The following ROBO2 variants were observed in gnomAD, a reference collection of about 807,000 sequenced individuals.
The protein encoded by ROBO2 is roundabout homolog 2.
In ROBO2, 53 loss-of-function variants were observed where a neutral mutation model predicts 160.8. That is an observed-to-expected ratio of 0.33 (90% CI 0.26 to 0.41). ROBO2 has a LOEUF of 0.41. Among genes scored for constraint, ROBO2 ranks in the 10% least tolerant of loss-of-function variants. The pLI, the probability that ROBO2 is intolerant of heterozygous loss-of-function variation, is 1.00. For synonymous variants in ROBO2, 664 were observed against 611.7 expected, an observed-to-expected ratio of 1.09 and a Z score of -1.26; for missense variants, 1,577 against 1,722.4, an observed-to-expected ratio of 0.92 and a Z score of 1.49.
chr3:76,743,533 T>A (rs886490826), intron 2 of ROBO2, among the ~76,000 whole-genome samples: 1 of 152,090 alleles, frequency 6.6e-6, no homozygotes, highest in Non-Finnish European at 1.5e-5. Flanking sequence ...ACTATAGACA[T>A]ATTTTTAAAA....
chr3:77,078,077 A>C (rs2068202099), intron 1 of ROBO2, among the ~76,000 whole-genome samples: 1 of 152,200 alleles, frequency 6.6e-6, no homozygotes, highest in African/African-American at 2.4e-5. Flanking sequence ...GCCAATTAAA[A>C]GTAATTTATT....
intron 2 of ROBO2, among the ~76,000 whole-genome samples, chr3:76,163,349 A>G (rs928209109): frequency 1.6e-4 from 25 of 151,824 alleles, no homozygotes; most frequent in Middle Eastern, 3.4e-3. Flanking sequence ...AGATTTTCTA[A>G]TACTGAGAAT....
intron 2 of ROBO2, among the ~76,000 whole-genome samples, chr3:77,178,168 G>A (rs1486725148): frequency 6.6e-6 from 1 of 151,970 alleles, no homozygotes; most frequent in Non-Finnish European, 1.5e-5. Context: ...TGAGGTATGG[G>A]CGCGCTACAA....
At chr3:76,554,240 A>G (rs1175033301) in intron 2 of ROBO2, among the ~76,000 whole-genome samples, 1 of 152,192 alleles carries the variant, frequency 6.6e-6, no homozygotes, top group Non-Finnish European at 1.5e-5. Context: ...AAAGACCATG[A>G]ACAGAACAGC....
chr3:76,942,656 T>C (rs1199887771), intron 2 of ROBO2, among the ~76,000 whole-genome samples: 1 of 151,846 alleles, frequency 6.6e-6, no homozygotes, highest in Non-Finnish European at 1.5e-5. Context: ...AACCTCTCAT[T>C]GTAGCCTAGA....
intron 2 of ROBO2, chr3:77,316,954 G>A (rs1184467701): frequency 2.5e-5 from 34 of 1,353,684 alleles, no homozygotes; most frequent in East Asian, 2.3e-4. Flanking sequence ...TCCGAAGCGC[G>A]TGTTACTGTT....
intron 2 of ROBO2, among the ~76,000 whole-genome samples, chr3:76,460,841 C>A (rs1175536033): frequency 6.6e-6 from 1 of 152,134 alleles, no homozygotes; most frequent in Non-Finnish European, 1.5e-5. Flanking sequence ...ATCTGTGATG[C>A]AGCTGTAGAT....
At chr3:76,731,245 G>C (rs1210302045) in intron 2 of ROBO2, among the ~76,000 whole-genome samples, 1 of 152,102 alleles carries the variant, frequency 6.6e-6, no homozygotes, top group East Asian at 1.9e-4. Flanking sequence ...ATTTTAAATT[G>C]CCTTTATTTT....
chr3:77,286,156 A>C (rs1396020568), intron 2 of ROBO2, among the ~76,000 whole-genome samples: 2 of 152,096 alleles, frequency 1.3e-5, no homozygotes, highest in Non-Finnish European at 2.9e-5. Context: ...CTCTATTTCC[A>C]TAAGTGAATC....
At chr3:77,233,790 T>G (rs985398226) in intron 2 of ROBO2, among the ~76,000 whole-genome samples, 2 of 152,292 alleles carry the variant, frequency 1.3e-5, no homozygotes, top group East Asian at 3.9e-4. Context: ...TTACCTTATA[T>G]CTGGTTTTCG....
At chr3:77,380,535 C>T (rs1025942086) in intron 2 of ROBO2, among the ~76,000 whole-genome samples, 7 of 152,160 alleles carry the variant, frequency 4.6e-5, no homozygotes, top group African/African-American at 7.2e-5. Context: ...AATTAAAAGA[C>T]GGGATTTTTT....
At chr3:77,151,972 C>G (rs1375710979) in intron 2 of ROBO2, among the ~76,000 whole-genome samples, 1 of 152,136 alleles carries the variant, frequency 6.6e-6, no homozygotes, top group Admixed American at 6.5e-5. Context: ...ACACTTTCTA[C>G]TACTGTAACT....
intron 2 of ROBO2, among the ~76,000 whole-genome samples, chr3:77,267,889 A>G (rs2059240453): frequency 6.6e-6 from 1 of 152,124 alleles, no homozygotes; most frequent in Non-Finnish European, 1.5e-5. Context: ...TCCCCCAATA[A>G]ATCTCCAACT....
intron 2 of ROBO2, among the ~76,000 whole-genome samples, chr3:77,464,530 C>T (rs1476633372): frequency 6.6e-6 from 1 of 152,132 alleles, no homozygotes; most frequent in Admixed American, 6.6e-5. Flanking sequence ...AGAGGCTAGA[C>T]TACTTAGAGT....
chr3:76,834,062 T>TCTTCTTTC (rs1553651248), intron 2 of ROBO2, among the ~76,000 whole-genome samples: 11 of 88,086 alleles, frequency 1.2e-4, no homozygotes, highest in African/African-American at 5.0e-4. Flanking sequence ...CCTTTCTTTC[T>TCTTCTTTC]TTTCTTTCTT....
At chr3:77,015,132 G>A (rs1257867653) in intron 2 of ROBO2, among the ~76,000 whole-genome samples, 1 of 151,890 alleles carries the variant, frequency 6.6e-6, no homozygotes, top group African/African-American at 2.4e-5. Context: ...CCTCCAATGC[G>A]ACTCATCATA....
chr3:76,129,266 C>T (rs2071128648), intron 2 of ROBO2, among the ~76,000 whole-genome samples: 2 of 152,088 alleles, frequency 1.3e-5, no homozygotes, highest in South Asian at 2.1e-4. Context: ...CAATTTGCTG[C>T]TGTACAGTAG....
At chr3:76,852,981 T>A (rs550101044) in intron 2 of ROBO2, among the ~76,000 whole-genome samples, 1 of 152,240 alleles carries the variant, frequency 6.6e-6, no homozygotes, top group East Asian at 1.9e-4. Flanking sequence ...TTCAAAAAGA[T>A]GATATCTTAG....
At chr3:77,198,968 CT>C (rs1188994978) in intron 2 of ROBO2, among the ~76,000 whole-genome samples, 1 of 152,076 alleles carries the variant, frequency 6.6e-6, no homozygotes, top group Non-Finnish European at 1.5e-5. Context: ...AAAATATGCT[CT>C]ATGTTAATGT....
Sources: gnomAD v4.1 joint callset for allele counts (sites outside exome capture counted in the v4.1 genomes callset) on GRCh38, gnomAD v4.1.1 for gene constraint, MANE v1.5 for transcripts, NCBI Gene and HGNC (gene_info 2026-07-23, HGNC 2026-07-21) for gene names.